The following NRG3 variants were observed in gnomAD, a reference collection of about 807,000 sequenced individuals.
NRG3 encodes the protein neuregulin 3, also known as pro-neuregulin-3, membrane-bound isoform.
In NRG3, 31 loss-of-function variants were observed where a neutral mutation model predicts 66.9. That is an observed-to-expected ratio of 0.46 (90% confidence interval 0.35 to 0.63). The LOEUF is 0.63. NRG3 is among the 20% of genes least tolerant of loss of function. The pLI, the probability that NRG3 is intolerant of heterozygous loss-of-function variation, is 0.00. For missense variants in NRG3, 910 were observed against 878.9 expected (o/e 1.04, Z -0.45); for synonymous variants, 393 against 359.4 (o/e 1.09, Z -1.06).
chr10:82,623,876 A>G (rs1239565873), intron 2 of NRG3, among the ~76,000 whole-genome samples: 1 of 152,148 alleles, frequency 6.6e-6, no homozygotes, highest in African/African-American at 2.4e-5. Context: ...CCCCAAATTT[A>G]CATACAATTC....
chr10:82,284,177 G>T (rs961491161), intron 1 of NRG3, among the ~76,000 whole-genome samples: 1 of 152,206 alleles, frequency 6.6e-6, no homozygotes, highest in Non-Finnish European at 1.5e-5. Context: ...CTGCAGAGAT[G>T]ACAGTGAAAA....
intron 2 of NRG3, among the ~76,000 whole-genome samples, chr10:82,400,701 A>G (rs910554273): frequency 2.6e-5 from 4 of 151,488 alleles, no homozygotes; most frequent in Non-Finnish European, 2.9e-5. Context: ...CTGAGTAGCT[A>G]GGACAATAGG....
At position 82,397,482 on chromosome 10, in the gene NRG3, A is replaced by T. The variant is rs550230810; in HGVS notation, c.953+38614A>T. 5.3e-5 allele frequency among the ~76,000 whole-genome samples: 8 copies of T among 152,336 alleles called. No homozygotes were observed. The South Asian group carries it at 1.5e-3, about 28-fold the overall frequency. ...GAAATAAAATTAAACATAGTGAGCCAATTAGGAAGAAATGATCTGAATATG... is the reference window on the plus strand; with the variant it reads ...GAAATAAAATTAAACATAGTGAGCCTATTAGGAAGAAATGATCTGAATATG... On this transcript the variant is annotated intron_variant, in intron 2 of 8. Coordinates refer to ENST00000372141, the MANE Select transcript of NRG3 (RefSeq NM_001010848.4).
intron 2 of NRG3, among the ~76,000 whole-genome samples, chr10:82,475,959 C>A (rs1030484458): frequency 3.3e-5 from 5 of 151,884 alleles, no homozygotes; most frequent in Non-Finnish European, 7.4e-5. Flanking sequence ...CAGTTAAGGT[C>A]CAAAATATAT....
intron 1 of NRG3, among the ~76,000 whole-genome samples, chr10:82,273,017 T>C (rs190801131): frequency 1.4e-3 from 213 of 152,222 alleles, no homozygotes; most frequent in Non-Finnish European, 2.7e-3. Context: ...TTTCGTCTCT[T>C]GTCCCCCACA....
chr10:82,347,361 A>C (rs1413155501), intron 1 of NRG3, among the ~76,000 whole-genome samples: 2 of 152,022 alleles, frequency 1.3e-5, no homozygotes, highest in East Asian at 1.9e-4. Flanking sequence ...TTCAGTTTCC[A>C]TGAAGTTGAG....
At chr10:82,848,579 TTGGG>T (rs1254377262) in intron 3 of NRG3, among the ~76,000 whole-genome samples, 3 of 152,092 alleles carry the variant, frequency 2.0e-5, no homozygotes, top group African/African-American at 7.2e-5. Flanking sequence ...AGTAAAGACT[TTGGG>T]AGACTGTCAG....
chr10:82,310,294 A>G (rs1287459013), intron 1 of NRG3, among the ~76,000 whole-genome samples: 3 of 152,218 alleles, frequency 2.0e-5, no homozygotes, highest in Non-Finnish European at 4.4e-5. Flanking sequence ...AGTAAGTCCA[A>G]GAGGTGAATT....
At chr10:82,017,454 A>C (rs2061838516) in intron 1 of NRG3, among the ~76,000 whole-genome samples, 3 of 152,302 alleles carry the variant, frequency 2.0e-5, no homozygotes, top group South Asian at 4.2e-4. Flanking sequence ...GTATATACCC[A>C]GTAATGGGAT....
At chr10:82,432,119 G>A (rs2089851440) in intron 2 of NRG3, among the ~76,000 whole-genome samples, 5 of 152,100 alleles carry the variant, frequency 3.3e-5, no homozygotes, top group Admixed American at 3.3e-4. Flanking sequence ...TGAATCAAAT[G>A]TTTGTGCCAA....
chr10:82,717,189 C>G (rs966042674), intron 2 of NRG3, among the ~76,000 whole-genome samples: 3 of 151,998 alleles, frequency 2.0e-5, no homozygotes, highest in Non-Finnish European at 4.4e-5. Flanking sequence ...AGCTTTACAT[C>G]TAGAAACAAT....
chr10:82,250,391 C>T (rs536802546), intron 1 of NRG3, among the ~76,000 whole-genome samples: 1 of 152,046 alleles, frequency 6.6e-6, no homozygotes, highest in East Asian at 1.9e-4. Flanking sequence ...TGGAGACCAG[C>T]CTGGCCAACA....
At chr10:82,068,619 G>A (rs896129036) in intron 1 of NRG3, among the ~76,000 whole-genome samples, 5 of 152,140 alleles carry the variant, frequency 3.3e-5, no homozygotes, top group African/African-American at 1.2e-4. Flanking sequence ...CTTGCTTAAG[G>A]TGTTAATATT....
chr10:82,928,426 T>C (rs938343015), intron 4 of NRG3, among the ~76,000 whole-genome samples: 1 of 152,216 alleles, frequency 6.6e-6, no homozygotes, highest in South Asian at 2.1e-4. Context: ...GCCTATGTCC[T>C]GGATGGTATT....
At chr10:82,239,468 AG>A (rs1195428529) in intron 1 of NRG3, among the ~76,000 whole-genome samples, 2 of 152,138 alleles carry the variant, frequency 1.3e-5, no homozygotes. Context: ...GTTGCACCAT[AG>A]TATCTAAAGA....
At chr10:81,971,136 C>T (rs554425700) in intron 1 of NRG3, among the ~76,000 whole-genome samples, 9 of 152,226 alleles carry the variant, frequency 5.9e-5, no homozygotes, top group Non-Finnish European at 8.8e-5. Flanking sequence ...GCAAACACTC[C>T]GTCTAAAAAG....
intron 2 of NRG3, among the ~76,000 whole-genome samples, chr10:82,438,443 C>A (rs866553300): frequency 6.6e-6 from 1 of 152,220 alleles, no homozygotes; most frequent in Non-Finnish European, 1.5e-5. Context: ...GAAATGGGTG[C>A]TGCCCTTCCC....
At chr10:82,867,972 A>G (rs568674147) in intron 4 of NRG3, among the ~76,000 whole-genome samples, 106 of 152,288 alleles carry the variant, frequency 7.0e-4, no homozygotes, top group African/African-American at 2.4e-3. Context: ...TCCAAGAGCA[A>G]TTTGCCCCAC....
At chr10:82,725,713 T>A (rs1391968994) in intron 2 of NRG3, among the ~76,000 whole-genome samples, 2 of 152,174 alleles carry the variant, frequency 1.3e-5, no homozygotes, top group Non-Finnish European at 2.9e-5. Flanking sequence ...TATAAGTATG[T>A]CCCAAATATT....
Sources: gnomAD v4.1 joint callset for allele counts (sites outside exome capture counted in the v4.1 genomes callset) on GRCh38, gnomAD v4.1.1 for gene constraint, MANE v1.5 for transcripts, NCBI Gene and HGNC (gene_info 2026-07-23, HGNC 2026-07-21) for gene names.